The following IL4I1 variants were observed in gnomAD, a reference collection of about 807,000 sequenced individuals.
The protein encoded by IL4I1 is L-amino-acid oxidase.
Under a neutral mutation model 29.7 loss-of-function variants are expected in IL4I1, and 24 were observed. The ratio of observed to expected loss-of-function variants is 0.81; its 90% CI spans 0.59 to 1.14. The LOEUF is 1.14. Among genes scored for constraint, IL4I1 ranks in the 50% most tolerant of loss-of-function variants. The pLI is 0.00. For synonymous variants in IL4I1, 371 were observed against 352.5 expected (o/e 1.05, Z -0.59); for missense variants, 686 against 785.6 (o/e 0.87, Z 1.52).
chr19:49,897,339 A>C (rs1420581607), upstream of IL4I1, among the ~76,000 whole-genome samples: 1 of 151,414 alleles, frequency 6.6e-6, no homozygotes, highest in South Asian at 2.1e-4. Context: ...TTCCCTCTCC[A>C]CTTGCCACCC....
chr19:49,891,324 C>T (rs534358374), intron 6 of IL4I1, 81 bp downstream of exon 6: 4 of 1,512,470 alleles, frequency 2.6e-6, no homozygotes, highest in Non-Finnish European at 3.7e-6. Flanking sequence ...GTGCCAGGTA[C>T]CCGCCTTCTG....
intron 2 of IL4I1, chr19:49,909,291 T>C: frequency 6.2e-7 from 1 of 1,613,982 alleles, no homozygotes; most frequent in Non-Finnish European, 8.5e-7. Context: ...GCTGAGCCAA[T>C]GTTGAAACCG....
intron 4 of IL4I1, among the ~76,000 whole-genome samples, chr19:49,894,814 G>A (rs1401249041): frequency 2.0e-5 from 3 of 152,070 alleles, no homozygotes; most frequent in African/African-American, 7.3e-5. Flanking sequence ...CTGCAGGCCT[G>A]GAGGGGCCAG....
At chr19:49,924,376 G>A (rs938404808) in intron 2 of IL4I1, among the ~76,000 whole-genome samples, 1 of 152,112 alleles carries the variant, frequency 6.6e-6, no homozygotes, top group Admixed American at 6.5e-5. Flanking sequence ...TTGCTGTGCG[G>A]GGGTTCTCCC....
At chr19:49,926,155 G>A (rs2075881320) in intron 2 of IL4I1, among the ~76,000 whole-genome samples, 1 of 146,564 alleles carries the variant, frequency 6.8e-6, no homozygotes, top group Non-Finnish European at 1.5e-5. Context: ...GTTGCAGTGA[G>A]CTGTGACGGT....
chr19:49,919,322 C>T (rs1222182768), intron 2 of IL4I1, among the ~76,000 whole-genome samples: 1 of 152,206 alleles, frequency 6.6e-6, no homozygotes, highest in African/African-American at 2.4e-5. Context: ...ACTTGCTGTG[C>T]GTTTAAACAA....
chr19:49,890,468 C>T lies in IL4I1; in HGVS notation c.906G>A (p.Glu302=). Residue 302 remains glutamate (E), a synonymous_variant, in exon 8 of 8, where the codon GAG becomes GAA. Transcript: ENST00000391826. The part of the protein sequence containing the change: ...QGPHDVHVQI[E]TSPPARNLKV... ...TCAGATTCCGCGCCGGGGGAGAGGT[C>T]TCGATCTGCACGTGCACATCGTGCG... 6.2e-7 allele frequency: 1 copy of T among 1,612,058 alleles called. No homozygotes were observed. The highest frequency in any genetic ancestry group is 8.5e-7 in the Non-Finnish European group (1 of 1,179,820).
intron 2 of IL4I1, chr19:49,909,283 T>C (rs1314146764): frequency 6.2e-7 from 1 of 1,614,026 alleles, no homozygotes; most frequent in African/African-American, 1.3e-5. Context: ...AATTCCCTGC[T>C]GAGCCAATGT....
chr19:49,911,161 C>T (rs1351813737), intron 2 of IL4I1: 1 of 152,232 alleles, frequency 6.6e-6, no homozygotes, highest in Non-Finnish European at 1.5e-5. Context: ...TTTGTCCTCT[C>T]AAAGTGCCAG....
rs2075105976 is a variant in IL4I1, at chr19:49,889,860, T to C, written c.1514A>G (p.Asn505Ser). 2 of 1,595,226 alleles carry C rather than the reference T, an allele frequency of 1.3e-6. No individual in the cohort carries two copies. The highest frequency in any genetic ancestry group is 1.3e-5 in the African/African-American group (1 of 74,086). The stretch of plus-strand genomic sequence containing the variant: ...GTCCGATGCAGGCCCCTTCCGGCTG[T>C]TGATCTTGATGGCGGCGCGCAGCGC... Reference protein sequence around the residue: ...KSALRAAIKINSRKGPASDTA... With the variant: ...KSALRAAIKISSRKGPASDTA... The change falls in exon 8 of 8, where the codon AAC becomes AGC. Residue 505 changes from asparagine to serine, a missense_variant. Asn to Ser is a conservative substitution (Grantham distance 46). Transcript: ENST00000391826.
In IL4I1 at chr19:49,909,397, G is replaced by A. The variant is rs377567291; in HGVS notation, c.-227-5076C>T. The A allele has an allele frequency of 4.3e-6, 7 of 1,613,726 alleles. No homozygotes were observed. The African/African-American group carries it at 9.3e-5, about 22-fold the overall frequency. The stretch of plus-strand genomic sequence containing the variant: ...TGGAGGGGCCAAACACAAAGCCGGT[G>A]GGTGCTGTGCCCTGGCTGGAGGTGA... On this transcript the variant is annotated intron_variant, in intron 2 of 9. Transcript: ENST00000341114.
intron 2 of IL4I1, chr19:49,908,320 C>T (rs777069191): frequency 6.2e-7 from 1 of 1,614,170 alleles, no homozygotes; most frequent in Non-Finnish European, 8.5e-7. Flanking sequence ...CCACCTTCCT[C>T]TGCAGCAGGG....
chr19:49,903,972 G>T (rs1290039426), intron 3 of IL4I1, among the ~76,000 whole-genome samples: 5 of 150,464 alleles, frequency 3.3e-5, no homozygotes, highest in African/African-American at 7.3e-5. Flanking sequence ...CCAAGTATCT[G>T]AAACTACAGG....
In IL4I1 at chr19:49,892,060, T is replaced by C. The variant is rs554472733; in HGVS notation, c.568-587A>G. Among the ~76,000 whole-genome samples, 376 of 150,068 alleles carry C rather than the reference T, an allele frequency of 2.5e-3. 2 individuals are homozygous for C. Among genetic ancestry groups the C allele is most frequent in the African/African-American group, 8.9e-3 (366 of 40,900 alleles). ...CCCTCAGCCTCATGTTCAAGGCCCC[T>C]GCTAGCCCCTCAATGTCTTTTTTTT... is the stretch of plus-strand genomic sequence containing the variant. On this transcript the variant is annotated intron_variant, in intron 5 of 7. Transcript: ENST00000391826.
intron 2 of IL4I1, among the ~76,000 whole-genome samples, chr19:49,926,275 A>G (rs2075886928): frequency 6.6e-6 from 1 of 151,430 alleles, no homozygotes; most frequent in African/African-American, 2.4e-5. Flanking sequence ...ATGCCTGTAA[A>G]TCCCAGCATT....
At chr19:49,914,538 G>C (rs2075568415) in intron 2 of IL4I1, among the ~76,000 whole-genome samples, 1 of 152,088 alleles carries the variant, frequency 6.6e-6, no homozygotes, top group South Asian at 2.1e-4. Context: ...CAAACAACAC[G>C]GCCGCCTTCA....
chr19:49,909,638 G>A (rs1292344282), intron 2 of IL4I1: 2 of 1,614,230 alleles, frequency 1.2e-6, no homozygotes, highest in Admixed American at 1.7e-5. Flanking sequence ...GAACAGGCCG[G>A]TGGAAGGGGT....
chr19:49,922,252 G>A (rs1457625474), intron 2 of IL4I1, among the ~76,000 whole-genome samples: 1 of 152,178 alleles, frequency 6.6e-6, no homozygotes, highest in East Asian at 1.9e-4. Flanking sequence ...GGTGCCCTGC[G>A]AGTCCCTGTG....
chr19:49,897,965 C>T (rs544386850), upstream of IL4I1, among the ~76,000 whole-genome samples: 8 of 152,240 alleles, frequency 5.3e-5, no homozygotes, highest in South Asian at 2.1e-4. Context: ...GGCGGGAGGC[C>T]GTGGCAAAGG....
Sources: gnomAD v4.1 joint callset for allele counts (sites outside exome capture counted in the v4.1 genomes callset) on GRCh38, gnomAD v4.1.1 for gene constraint, MANE v1.5 for transcripts, NCBI Gene and HGNC (gene_info 2026-07-23, HGNC 2026-07-21) for gene names.